The following RFC3 variants were observed in gnomAD, a reference collection of about 807,000 sequenced individuals.
RFC3 encodes the protein replication factor C subunit 3.
RFC3 carries 41 observed loss-of-function variants against 45.1 expected under a neutral mutation model. The ratio of observed to expected loss-of-function variants is 0.91; its 90% CI spans 0.71 to 1.18. The LOEUF (loss-of-function observed/expected upper bound fraction) is 1.18. Among genes scored for constraint, RFC3 ranks in the 50% most tolerant of loss-of-function variants. The pLI is 0.00. For missense variants in RFC3, 423 were observed against 428.1 expected, an observed-to-expected ratio of 0.99 and a Z score of 0.10; for synonymous variants, 149 against 144.0, an observed-to-expected ratio of 1.03 and a Z score of -0.25.
At chr13:33,948,381 C>T (rs9592147) in intron 8 of RFC3, among the ~76,000 whole-genome samples, 44 of 152,318 alleles carry the variant, frequency 2.9e-4, no homozygotes, top group African/African-American at 9.6e-4. Flanking sequence ...TGTATGGAAA[C>T]GCTTGGATGT....
intron 8 of RFC3, among the ~76,000 whole-genome samples, chr13:33,942,358 A>G (rs1687983336): frequency 1.3e-5 from 2 of 152,108 alleles, no homozygotes. Flanking sequence ...ATGGTTGTCT[A>G]TATTTACGGG....
intron 8 of RFC3, among the ~76,000 whole-genome samples, chr13:33,943,529 G>A (rs1410945014): frequency 6.6e-6 from 1 of 152,134 alleles, no homozygotes. Flanking sequence ...TTGAGGTGAA[G>A]GATATCCTAA....
rs117941356 is a variant in RFC3 at position 33,833,929 on chromosome 13, G to A, written c.810-1219G>A. The stretch of plus-strand genomic sequence containing the variant: ...AGTGTATTGCAGCGAACCTAGTACA[G>A]AATTAAGGTGTTAAATACTTTCACA... On this transcript the variant is annotated intron_variant, in intron 7 of 8. Transcript: ENST00000380071. Among the ~76,000 whole-genome samples the A allele has an allele frequency of 3.5e-3, 533 of 152,130 alleles. 3 individuals carry two copies. Among genetic ancestry groups the A allele is most frequent in the East Asian group, 0.012 (64 of 5,176 alleles).
chr13:33,881,390 A>C (rs1212069905), intron 8 of RFC3, among the ~76,000 whole-genome samples: 2 of 152,178 alleles, frequency 1.3e-5, no homozygotes, highest in Admixed American at 6.5e-5. Context: ...AGGCTCTGTG[A>C]TGAGCAAAGA....
chr13:33,913,264 A>G (rs776690089), intron 8 of RFC3, among the ~76,000 whole-genome samples: 1 of 152,108 alleles, frequency 6.6e-6, no homozygotes, highest in Non-Finnish European at 1.5e-5. Context: ...CAGTCCCAAC[A>G]GGCTCTAATT....
chr13:33,852,205 A>G (rs2082281009), intron 8 of RFC3, among the ~76,000 whole-genome samples: 1 of 152,216 alleles, frequency 6.6e-6, no homozygotes, highest in South Asian at 2.1e-4. Flanking sequence ...AGTAAGCTTC[A>G]GTAGTGTTAC....
intron 8 of RFC3, among the ~76,000 whole-genome samples, chr13:33,924,785 C>T (rs1329669): frequency 0.17 from 25,274 of 147,284 alleles, 2,874 homozygotes; most frequent in African/African-American, 0.29. Flanking sequence ...AGATGTTGTT[C>T]AGAGAGTACA....
intron 6 of RFC3, among the ~76,000 whole-genome samples, 170 bp from the exon 7 acceptor site, chr13:33,831,086 A>G (rs927567837): frequency 6.6e-6 from 1 of 152,182 alleles, no homozygotes; most frequent in African/African-American, 2.4e-5. Context: ...AGCTAATAAC[A>G]TCACTGGTCC....
chr13:33,830,624 G>A, intron 5 of RFC3, 95 bp from the exon 6 acceptor site: 1 of 926,964 alleles, frequency 1.1e-6, no homozygotes, highest in South Asian at 2.0e-5. Context: ...AATTTTGAGA[G>A]TAATACAGTT....
At chr13:33,893,237 C>T (rs970364828) in intron 8 of RFC3, among the ~76,000 whole-genome samples, 3 of 152,174 alleles carry the variant, frequency 2.0e-5, no homozygotes, top group Admixed American at 6.5e-5. Flanking sequence ...CCTTCCCACA[C>T]TGCCAGGATA....
intron 8 of RFC3, among the ~76,000 whole-genome samples, chr13:33,872,305 T>C (rs571687947): frequency 6.6e-6 from 1 of 152,362 alleles, no homozygotes; most frequent in East Asian, 1.9e-4. Context: ...GTCTGTGCTA[T>C]TCACATACAG....
intron 8 of RFC3, among the ~76,000 whole-genome samples, chr13:33,957,804 G>A (rs1194867085): frequency 1.3e-5 from 2 of 152,114 alleles, no homozygotes; most frequent in Non-Finnish European, 2.9e-5. Context: ...ATCCCTCAAA[G>A]CCTGGAGTCT....
chr13:33,946,042 A>G (rs191532930), intron 8 of RFC3, among the ~76,000 whole-genome samples: 1 of 152,272 alleles, frequency 6.6e-6, no homozygotes, highest in African/African-American at 2.4e-5. Flanking sequence ...GGCCTAGGAA[A>G]TGGCTCTGAC....
intron 8 of RFC3, among the ~76,000 whole-genome samples, chr13:33,896,412 G>C (rs9598251): frequency 0.11 from 17,350 of 151,850 alleles, 2,024 homozygotes; most frequent in African/African-American, 0.3. Context: ...AGAGAGGATA[G>C]TAAAAGCAGC....
intron 8 of RFC3, among the ~76,000 whole-genome samples, chr13:33,959,082 A>G (rs768918089): frequency 9.9e-5 from 15 of 152,168 alleles, no homozygotes; most frequent in Non-Finnish European, 1.6e-4. Context: ...CTTTCACCCC[A>G]GTTGCTGCTC....
At chr13:33,822,210 G>T (rs1181561835) in intron 2 of RFC3, among the ~76,000 whole-genome samples, 2 of 152,194 alleles carry the variant, frequency 1.3e-5, no homozygotes, top group Non-Finnish European at 2.9e-5. Flanking sequence ...AACAAAAATG[G>T]TGTGGATGTG....
At chr13:33,821,323 C>G (rs2082002152) in intron 2 of RFC3, 54 bp downstream of exon 2, 1 of 1,569,346 alleles carries the variant, frequency 6.4e-7, no homozygotes, top group Middle Eastern at 1.8e-4. Context: ...GACTTTCAGT[C>G]TTGGTCATGT....
At chr13:33,921,037 A>G (rs7991539) in intron 8 of RFC3, among the ~76,000 whole-genome samples, 90,860 of 152,012 alleles carry the variant, frequency 0.6, 32,409 homozygotes, top group Non-Finnish European at 0.8. Flanking sequence ...AGATTAAACA[A>G]TTTAGAGATG....
At chr13:33,877,758 C>T (rs904933837) in intron 8 of RFC3, among the ~76,000 whole-genome samples, 3 of 145,102 alleles carry the variant, frequency 2.1e-5, no homozygotes, top group South Asian at 2.2e-4. Context: ...TTTTAAATTC[C>T]GAGATTAAAA....
Sources: allele counts gnomAD v4.1 joint callset (sites outside exome capture counted in the v4.1 genomes callset), GRCh38; gene constraint gnomAD v4.1.1; transcripts MANE v1.5; gene names NCBI Gene and HGNC (gene_info 2026-07-23, HGNC 2026-07-21).